The following RS1 variants were observed in gnomAD, a reference collection of about 807,000 sequenced individuals.
The protein encoded by RS1 is retinoschisin 1, also known as retinoschisin.
RS1 carries 2 observed loss-of-function variants against 20.8 expected under a neutral mutation model. That is an observed-to-expected ratio of 0.10 (90% CI 0.04 to 0.30). The LOEUF (loss-of-function observed/expected upper bound fraction) is 0.30. Ranked by LOEUF, RS1 falls within the 10% of genes least tolerant of loss-of-function variation. The pLI is 1.00. For missense variants in RS1, 151 were observed against 189.8 expected (o/e 0.80, Z 1.20); for synonymous variants, 70 against 75.8 (o/e 0.92, Z 0.40).
intron 1 of RS1, among the ~76,000 whole-genome samples, chrX:18,665,640 T>A (rs1210077313): frequency 3.6e-5 from 4 of 110,491 alleles, no homozygotes; most frequent in African/African-American, 1.3e-4. Flanking sequence ...GAGGCTGAGG[T>A]GGGAGGACCC....
At chrX:18,654,719 A>G (rs900084690) in intron 3 of RS1, among the ~76,000 whole-genome samples, 6 of 111,784 alleles carry the variant, frequency 5.4e-5, no homozygotes, top group African/African-American at 2.0e-4. Flanking sequence ...GATGTCTGAT[A>G]GGAAAAGCCC....
At chrX:18,660,480 A>C (rs1298884820) in intron 1 of RS1, among the ~76,000 whole-genome samples, 1 of 111,396 alleles carries the variant, frequency 9.0e-6, no homozygotes, top group Non-Finnish European at 1.9e-5. Context: ...AAGTGCTGGG[A>C]TTACAGGTGT....
At chrX:18,663,082 A>G (rs1353600198) in intron 1 of RS1, among the ~76,000 whole-genome samples, 11 of 92,742 alleles carry the variant, frequency 1.2e-4, no homozygotes, top group Non-Finnish European at 1.6e-4. Context: ...CTCGTTGCCC[A>G]GGCTGGAGTG....
chrX:18,645,426 C>A (rs1927733810), intron 4 of RS1, among the ~76,000 whole-genome samples: 1 of 110,371 alleles, frequency 9.1e-6, no homozygotes, highest in Non-Finnish European at 1.9e-5. Flanking sequence ...CAATGTGAGC[C>A]CCTAAGTGCC....
At chrX:18,667,032 A>G (rs1928416523) in intron 1 of RS1, among the ~76,000 whole-genome samples, 1 of 111,842 alleles carries the variant, frequency 8.9e-6, no homozygotes, top group Admixed American at 9.5e-5. Flanking sequence ...GGGGGAGCCC[A>G]GACAGGCTGG....
intron 1 of RS1, among the ~76,000 whole-genome samples, chrX:18,669,804 G>C (rs1277188473): frequency 1.8e-5 from 2 of 112,150 alleles, no homozygotes; most frequent in African/African-American, 6.5e-5. Flanking sequence ...GCCCAGGGTA[G>C]GGCACACAGT....
At position 18,650,540 on chromosome X, in the gene RS1, G is replaced by A. The variant is rs140944590; in HGVS notation, c.185-3208C>T. The A allele has an allele frequency of 1.7e-5, 21 of 1,210,429 alleles. No homozygotes were observed. Among genetic ancestry groups the A allele is most frequent in the Middle Eastern group, 2.3e-4 (1 of 4,375 alleles). On this transcript the variant is annotated intron_variant, in intron 3 of 5. Coordinates refer to ENST00000379984, the MANE Select transcript of RS1 (RefSeq NM_000330.4). ...AGGTCCGAGGCACTTCCATGTGCCC[G>A]ACACTCCAGGTCCGAGGCACTGATG...
Position 18,641,452 on chromosome X carries a change from C to T in RS1, c.*552G>A, listed in dbSNP as rs771403672. The T allele has an allele frequency of 1.4e-4, 16 of 118,279 alleles. No homozygotes were observed. In the East Asian group the frequency reaches 2.5e-3, roughly 19 times the overall value. 9.7% of individuals were successfully genotyped at this position (118,279 alleles called of 1,213,427 possible). ...TGTCACGTATAGCCTCTCAGGGCACCGGGATTCTCACCCACCGCACTCATC... is the reference window on the plus strand; with the variant it reads ...TGTCACGTATAGCCTCTCAGGGCACTGGGATTCTCACCCACCGCACTCATC... On this transcript the variant is annotated 3_prime_UTR_variant, in exon 6 of 6. Coordinates refer to ENST00000379984, the MANE Select transcript of RS1 (RefSeq NM_000330.4).
Position 18,640,391 on chromosome X carries a change from A to AAT in RS1, c.*1611_*1612dup, listed in dbSNP as rs1927522187. The AAT allele has an allele frequency of 9.3e-6, 1 of 107,642 alleles. No homozygotes were observed. Among genetic ancestry groups the AAT allele is most frequent in the African/African-American group, 3.4e-5 (1 of 29,465 alleles). The allele number at this position is 107,642 out of a possible 1,213,427, so 8.9% of individuals were successfully genotyped here. The stretch of plus-strand genomic sequence containing the variant: ...TCTCTGTTCAGGCATTTCTATCCAA[A>AAT]ATAGATTTGTCCTGTGTCCTAAGGC... On this transcript the variant is annotated 3_prime_UTR_variant, in exon 6 of 6. Coordinates refer to ENST00000379984, the MANE Select transcript of RS1 (RefSeq NM_000330.4).
Position 18,641,612 on chromosome X carries a change from GTA to G in RS1, c.*390_*391del. 5.6e-6 allele frequency: 1 copy of G among 177,922 alleles called. No homozygotes were observed. Among genetic ancestry groups the G allele is most frequent in the Non-Finnish European group, 1.1e-5 (1 of 94,627 alleles). 14.7% of individuals were successfully genotyped at this position (177,922 alleles called of 1,213,427 possible). ...ATTCAAAGCCAGGCTTTAGGAAACTGTATGTTTCTGTCTTGAATGTGGTAAAG... is the reference window on the plus strand; with the variant it reads ...ATTCAAAGCCAGGCTTTAGGAAACTGTGTTTCTGTCTTGAATGTGGTAAAG... On this transcript the variant is annotated 3_prime_UTR_variant, in exon 6 of 6. Coordinates refer to ENST00000379984, the MANE Select transcript of RS1 (RefSeq NM_000330.4).
chrX:18,657,050 A>G (rs1928228692), intron 2 of RS1, among the ~76,000 whole-genome samples: 1 of 109,301 alleles, frequency 9.1e-6, no homozygotes, highest in Non-Finnish European at 1.9e-5. Flanking sequence ...GGGAGCCCCA[A>G]TCCAAGTTTA....
rs148531754 is a variant in RS1, at chrX:18,650,613, G to C, written c.185-3281C>G. 518 of 1,206,570 alleles carry C rather than the reference G, an allele frequency of 4.3e-4. No homozygotes were observed. In the East Asian group the frequency reaches 0.015, roughly 34 times the overall value. ...ATCCGGTAAGCAGAGACTCTAGACCGGTGGGGCTCAGCCTGGGCTGTACCT... is the reference window on the plus strand; with the variant it reads ...ATCCGGTAAGCAGAGACTCTAGACCCGTGGGGCTCAGCCTGGGCTGTACCT... On this transcript the variant is annotated intron_variant, in intron 3 of 5. Coordinates refer to ENST00000379984, the MANE Select transcript of RS1 (RefSeq NM_000330.4).
intron 1 of RS1, among the ~76,000 whole-genome samples, chrX:18,669,586 T>C (rs1928460850): frequency 9.0e-6 from 1 of 111,011 alleles, no homozygotes; most frequent in Non-Finnish European, 1.9e-5. Flanking sequence ...GCAATTTCTT[T>C]ACCTTATTTC....
chrX:18,648,207 A>G (rs1325398578), intron 3 of RS1, among the ~76,000 whole-genome samples: 1 of 109,737 alleles, frequency 9.1e-6, no homozygotes, highest in African/African-American at 3.3e-5. Flanking sequence ...GAGGCTGCCA[A>G]TTTTCAACCC....
At chrX:18,660,339 C>T (rs756135468) in intron 1 of RS1, among the ~76,000 whole-genome samples, 2 of 109,151 alleles carry the variant, frequency 1.8e-5, no homozygotes, top group Admixed American at 2.0e-4. Context: ...CCTCAGCCTC[C>T]CGAGTAGCTG....
At chrX:18,653,168 AG>A (rs2147200879) in intron 3 of RS1, among the ~76,000 whole-genome samples, 1 of 112,584 alleles carries the variant, frequency 8.9e-6, no homozygotes, top group Non-Finnish European at 1.9e-5. Context: ...TAGAATCAAA[AG>A]GAACCATTAG....
intron 1 of RS1, among the ~76,000 whole-genome samples, chrX:18,665,398 G>A (rs536878857): frequency 1.1e-3 from 124 of 111,414 alleles, no homozygotes; most frequent in Middle Eastern, 4.6e-3. Context: ...CCTTCAAGGG[G>A]TCATGGAGAT....
intron 4 of RS1, among the ~76,000 whole-genome samples, chrX:18,644,826 C>T (rs2057902213): frequency 8.9e-6 from 1 of 112,622 alleles, no homozygotes; most frequent in Non-Finnish European, 1.9e-5. Context: ...CTCCCTCTCC[C>T]TGCATCTCCA....
chrX:18,654,774 A>G (rs188939564), intron 3 of RS1, among the ~76,000 whole-genome samples: 1,185 of 112,063 alleles, frequency 0.011, 6 homozygotes, highest in Non-Finnish European at 0.014. Flanking sequence ...CTTGGAAAAC[A>G]AACTTAGTTC....
Sources: allele counts gnomAD v4.1 joint callset (sites outside exome capture counted in the v4.1 genomes callset), GRCh38; gene constraint gnomAD v4.1.1; transcripts MANE v1.5; gene names NCBI Gene and HGNC (gene_info 2026-07-23, HGNC 2026-07-21).